Variants in AOAH observed in about 807,000 individuals in gnomAD.
The protein encoded by AOAH is acyloxyacyl hydrolase.
A neutral mutation model predicts 92.2 loss-of-function variants in AOAH; 64 were observed. That is an observed-to-expected ratio of 0.69 (90% confidence interval 0.57 to 0.86). The LOEUF is 0.86. AOAH is among the 40% of genes least tolerant of loss of function. The pLI is 0.00. For missense variants in AOAH, 656 were observed against 694.6 expected, an observed-to-expected ratio of 0.94 and a Z score of 0.62; for synonymous variants, 263 against 254.5, an observed-to-expected ratio of 1.03 and a Z score of -0.32.
At chr7:36,577,684 T>C (rs930955452) in intron 12 of AOAH, among the ~76,000 whole-genome samples, 1 of 152,188 alleles carries the variant, frequency 6.6e-6, no homozygotes, top group African/African-American at 2.4e-5. Context: ...ATGTAAGTAG[T>C]TTAATTAATG....
In AOAH at chr7:36,526,751, A is replaced by G. The variant is rs555588819; in HGVS notation, c.1522+3667T>C. Among the ~76,000 whole-genome samples the G allele has an allele frequency of 3.3e-5, 5 of 152,332 alleles. No homozygotes were observed. In the East Asian group the frequency reaches 9.6e-4, roughly 29 times the overall value. On this transcript the variant is annotated intron_variant, in intron 19 of 20. Coordinates refer to ENST00000617537, the MANE Select transcript of AOAH (RefSeq NM_001637.4). ...AGAAGCTGCTAATGACCAGCTTTTC[A>G]AAGATGTAATAGAAACAAGGGAGGA... is the stretch of plus-strand genomic sequence containing the variant.
Position 36,594,448 on chromosome 7 carries a change from G to A in AOAH, c.847-18C>T, listed in dbSNP as rs751377334. On this transcript the variant is annotated intron_variant, in intron 11 of 20. Coordinates refer to ENST00000617537, the MANE Select transcript of AOAH (RefSeq NM_001637.4). ...AAAGAGTTCTAAGGAAAACAATAAA[G>A]TAGCAATTATCAAAATGGTCATTTA... 3 of 1,591,736 alleles carry A rather than the reference G, an allele frequency of 1.9e-6. No individual in the cohort carries two copies. The Admixed American group carries it at 5.0e-5, about 27-fold the overall frequency.
chr7:36,648,079 G>A (rs1020491481), intron 4 of AOAH, among the ~76,000 whole-genome samples: 1 of 151,930 alleles, frequency 6.6e-6, no homozygotes, highest in South Asian at 2.1e-4. Flanking sequence ...TGATCCTCCC[G>A]CCTCGACCTC....
At chr7:36,649,766 A>T (rs1448811512) in intron 4 of AOAH, among the ~76,000 whole-genome samples, 2 of 152,116 alleles carry the variant, frequency 1.3e-5, no homozygotes, top group African/African-American at 4.8e-5. Flanking sequence ...GCTGTCCACC[A>T]CTGCTGTTTG....
At chr7:36,682,483 C>T (rs1796715049) in intron 2 of AOAH, among the ~76,000 whole-genome samples, 2 of 152,064 alleles carry the variant, frequency 1.3e-5, no homozygotes, top group South Asian at 4.1e-4. Context: ...GATTAAGGAA[C>T]AGAATAACAT....
intron 4 of AOAH, among the ~76,000 whole-genome samples, chr7:36,652,830 A>G (rs1794664998): frequency 6.6e-6 from 1 of 152,264 alleles, no homozygotes; most frequent in South Asian, 2.1e-4. Flanking sequence ...AGACTCTGTC[A>G]CAGACCAGAG....
rs1048779766 is a variant in AOAH at position 36,692,600 on chromosome 7, C to T, written c.128-5806G>A. Among the ~76,000 whole-genome samples the T allele has an allele frequency of 3.3e-5, 5 of 152,058 alleles. No homozygotes were observed. The East Asian group carries it at 7.7e-4, about 24-fold the overall frequency. Reference sequence around the variant, plus strand: ...ATAAGTGAGCAAAGCCCAAGCAAGGCGTGAGAAGAAATGAGCAGGCTGTGT... The same window carrying T: ...ATAAGTGAGCAAAGCCCAAGCAAGGTGTGAGAAGAAATGAGCAGGCTGTGT... On this transcript the variant is annotated intron_variant, in intron 1 of 20. Transcript: ENST00000617537.
intron 1 of AOAH, among the ~76,000 whole-genome samples, chr7:36,700,734 T>G (rs1056480721): frequency 3.3e-5 from 5 of 152,054 alleles, no homozygotes; most frequent in African/African-American, 1.2e-4. Flanking sequence ...AGTAGTTCTA[T>G]TTTTAGTTTT....
In AOAH at chr7:36,594,395, G is replaced by A. The variant is rs375632724; in HGVS notation, c.882C>T (p.Asn294=). 1,772 of 1,614,016 alleles carry A rather than the reference G, an allele frequency of 1.1e-3. 35 individuals carry two copies. The South Asian group carries it at 0.017, about 16-fold the overall frequency. Residue 294 remains asparagine (N), a synonymous_variant, in exon 12 of 21, where the codon AAC becomes AAT. Coordinates refer to ENST00000617537, the MANE Select transcript of AOAH (RefSeq NM_001637.4). ...CAGAGAGTTGGGGCCAGTCAAGCTC[G>A]TTGGTAAGGGCTGTTGGTAGATTGA... The part of the protein sequence containing the change: ...SFINLPTALT[N]ELDWPQLSGA...
At chr7:36,693,515 A>G (rs1390030218) in intron 1 of AOAH, among the ~76,000 whole-genome samples, 2 of 120,952 alleles carry the variant, frequency 1.7e-5, no homozygotes, top group African/African-American at 5.8e-5. Flanking sequence ...AATTTAATGT[A>G]TTTTTATAGT....
chr7:36,673,874 C>A (rs1207772266), intron 3 of AOAH, 69 bp downstream of exon 3: 104 of 1,101,844 alleles, frequency 9.4e-5, no homozygotes, highest in Admixed American at 1.8e-4. Context: ...GAGCCTCCCA[C>A]CTCCCAGTTT....
At chr7:36,640,050 C>T (rs1437972521) in intron 4 of AOAH, among the ~76,000 whole-genome samples, 1 of 152,084 alleles carries the variant, frequency 6.6e-6, no homozygotes, top group Non-Finnish European at 1.5e-5. Flanking sequence ...CTTGTGTGTC[C>T]TCCCGGGAGG....
At position 36,513,207 on chromosome 7, in the gene AOAH, C is replaced by T; in HGVS notation, c.*45G>A. On this transcript the variant is annotated 3_prime_UTR_variant, in exon 21 of 21. Transcript: ENST00000617537. The stretch of plus-strand genomic sequence containing the variant: ...GGTTTGTGGAATGAGTTTACCCAAG[C>T]CTCTGCCTCCCTGTGCTCCCCAGGG... 6.2e-7 allele frequency: 1 copy of T among 1,614,162 alleles called. No individual in the cohort carries two copies. The highest frequency in any genetic ancestry group is 8.5e-7 in the Non-Finnish European group (1 of 1,180,028).
Position 36,616,294 on chromosome 7 carries a change from GGA to G in AOAH, c.846+84_846+85del, listed in dbSNP as rs111869357. ...TAAAGAGGGAAATTTGCACCTGTGT[GGA>G]GTTGGCATCCCATTTAGAGAGAGCA... On this transcript the variant is annotated intron_variant, in intron 11 of 20. Transcript: ENST00000617537. 6,874 of 1,058,734 alleles carry G rather than the reference GGA, an allele frequency of 6.5e-3. 327 individuals are homozygous for G. The African/African-American group carries it at 0.095, about 15-fold the overall frequency. The allele number at this position is 1,058,734 out of a possible 1,614,324, so 65.6% of individuals were successfully genotyped here.
chr7:36,617,319 A>G (rs1044629395), intron 10 of AOAH, among the ~76,000 whole-genome samples: 12 of 152,248 alleles, frequency 7.9e-5, no homozygotes, highest in African/African-American at 2.9e-4. Context: ...GCTTTGCACC[A>G]GGGTTTCACC....
At chr7:36,631,671 T>A (rs1793114076) in intron 6 of AOAH, among the ~76,000 whole-genome samples, 1 of 152,186 alleles carries the variant, frequency 6.6e-6, no homozygotes. Context: ...CAGAGTCTTC[T>A]CCATGCCCAG....
At chr7:36,623,639 T>A (rs1792440101) in intron 6 of AOAH, among the ~76,000 whole-genome samples, 1 of 152,226 alleles carries the variant, frequency 6.6e-6, no homozygotes. Flanking sequence ...AGAAATCTTT[T>A]CTTAAAATTT....
intron 1 of AOAH, among the ~76,000 whole-genome samples, chr7:36,698,637 C>T (rs115250363): frequency 0.013 from 2,043 of 152,052 alleles, 53 homozygotes; most frequent in African/African-American, 0.047. Context: ...TTCACTTAGA[C>T]CAAACTATTT....
At chr7:36,639,532 C>T (rs145896567) in intron 4 of AOAH, among the ~76,000 whole-genome samples, 208 of 152,226 alleles carry the variant, frequency 1.4e-3, no homozygotes, top group Non-Finnish European at 2.4e-3. Context: ...TTATGTTAAA[C>T]GAGGAAAATA....
Sources: allele counts gnomAD v4.1 joint callset (sites outside exome capture counted in the v4.1 genomes callset), GRCh38; gene constraint gnomAD v4.1.1; transcripts MANE v1.5; gene names NCBI Gene and HGNC (gene_info 2026-07-23, HGNC 2026-07-21).